Variants in MSI2 observed in about 807,000 individuals in gnomAD.
MSI2 encodes musashi RNA binding protein 2.
MSI2 carries 17 observed loss-of-function variants against 45.6 expected under a neutral mutation model. The observed-to-expected ratio is 0.37, with a 90% confidence interval of 0.26 to 0.56. The LOEUF (loss-of-function observed/expected upper bound fraction) is 0.56. MSI2 is among the 20% of genes least tolerant of loss of function. The pLI, the probability that MSI2 is intolerant of heterozygous loss-of-function variation, is 0.77. For missense variants in MSI2, 293 were observed against 444.2 expected (o/e 0.66, Z 3.06); for synonymous variants, 156 against 158.2 (o/e 0.99, Z 0.11).
chr17:57,454,189 G>A (rs1457418848), intron 6 of MSI2, among the ~76,000 whole-genome samples: 6 of 152,292 alleles, frequency 3.9e-5, no homozygotes, highest in East Asian at 1.9e-4. Context: ...GATGGAGCTC[G>A]GGGCGGAGTG....
chr17:57,276,993 G>C (rs1908906478), intron 5 of MSI2, among the ~76,000 whole-genome samples: 1 of 151,892 alleles, frequency 6.6e-6, no homozygotes, highest in African/African-American at 2.4e-5. Flanking sequence ...GTTCTCCTTG[G>C]GTTGTATCAT....
chr17:57,440,994 C>G (rs986190614), intron 6 of MSI2, among the ~76,000 whole-genome samples: 1 of 152,224 alleles, frequency 6.6e-6, no homozygotes, highest in Non-Finnish European at 1.5e-5. Context: ...CCAGCTTGCT[C>G]CTGTCAACAC....
At chr17:57,536,077 T>C (rs181155146) in intron 7 of MSI2, among the ~76,000 whole-genome samples, 4 of 121,324 alleles carry the variant, frequency 3.3e-5, no homozygotes, top group Admixed American at 9.3e-5. Flanking sequence ...TATTTGTTTA[T>C]TGGTGTCTAT....
intron 10 of MSI2, among the ~76,000 whole-genome samples, chr17:57,643,625 T>C (rs1910420429): frequency 6.6e-6 from 1 of 152,246 alleles, no homozygotes; most frequent in African/African-American, 2.4e-5. Context: ...CTGCCTAACT[T>C]CTATTTTATG....
chr17:57,500,383 G>A (rs1331593478), intron 6 of MSI2, among the ~76,000 whole-genome samples: 3 of 151,030 alleles, frequency 2.0e-5, no homozygotes, highest in Non-Finnish European at 4.4e-5. Context: ...GCCACCATAT[G>A]AAATGAGTTG....
intron 5 of MSI2, among the ~76,000 whole-genome samples, chr17:57,370,156 C>G (rs150813994): frequency 2.0e-5 from 3 of 152,136 alleles, no homozygotes; most frequent in Admixed American, 2.0e-4. Context: ...TTTGAGTAGC[C>G]GTGAAAGCTG....
At chr17:57,291,600 A>G (rs1033986079) in intron 5 of MSI2, among the ~76,000 whole-genome samples, 3 of 152,190 alleles carry the variant, frequency 2.0e-5, no homozygotes, top group African/African-American at 4.8e-5. Flanking sequence ...GCTTAGTACC[A>G]TTAGGGGATG....
chr17:57,277,278 G>A (rs1174596410), intron 5 of MSI2, among the ~76,000 whole-genome samples: 10 of 151,986 alleles, frequency 6.6e-5, no homozygotes, highest in African/African-American at 2.4e-4. Context: ...GGCTGGTCTC[G>A]AACTCCTGAC....
intron 6 of MSI2, among the ~76,000 whole-genome samples, chr17:57,494,981 AC>A (rs1198645406): frequency 2.6e-5 from 4 of 152,220 alleles, no homozygotes; most frequent in African/African-American, 4.8e-5. Context: ...CTTAAAAAAA[AC>A]AACAGTGGAA....
chr17:57,629,155 G>T (rs1909108783), intron 10 of MSI2: 1 of 152,288 alleles, frequency 6.6e-6, no homozygotes, highest in African/African-American at 2.4e-5. Flanking sequence ...TTGGCTGGGT[G>T]CGGTGGCTCA....
intron 6 of MSI2, among the ~76,000 whole-genome samples, chr17:57,491,425 C>T (rs1328224803): frequency 6.6e-6 from 1 of 152,224 alleles, no homozygotes; most frequent in Non-Finnish European, 1.5e-5. Context: ...AGCTGAGGTG[C>T]TGGAAAGCAG....
chr17:57,655,381 C>T (rs574776609), intron 11 of MSI2, among the ~76,000 whole-genome samples: 4 of 152,284 alleles, frequency 2.6e-5, no homozygotes, highest in South Asian at 2.1e-4. Context: ...AAGCCTCCCC[C>T]GACAGGTGAG....
At chr17:57,587,789 G>A (rs1904445281) in intron 7 of MSI2, among the ~76,000 whole-genome samples, 1 of 152,178 alleles carries the variant, frequency 6.6e-6, no homozygotes, top group Non-Finnish European at 1.5e-5. Flanking sequence ...TAAACTAAGT[G>A]TCAACTTTTC....
In MSI2 at chr17:57,623,738, G is replaced by A. The variant is rs190288193; in HGVS notation, c.653-3491G>A. Among the ~76,000 whole-genome samples, 184 of 152,358 alleles carry A rather than the reference G, an allele frequency of 1.2e-3. 1 individual carries two copies. Among genetic ancestry groups the A allele is most frequent in the African/African-American group, 4.4e-3 (182 of 41,580 alleles). ...GGGTCATCCCACCGTAATGTGGCTT[G>A]ACGGAGCGTCTGCACGGGTCTGCTG... is the stretch of plus-strand genomic sequence containing the variant. On this transcript the variant is annotated intron_variant, in intron 9 of 13. Transcript: ENST00000284073.
At chr17:57,635,369 T>C (rs1909758092) in intron 10 of MSI2, among the ~76,000 whole-genome samples, 1 of 152,272 alleles carries the variant, frequency 6.6e-6, no homozygotes. Flanking sequence ...AGGGTGAGTC[T>C]GGAGGATTGT....
chr17:57,276,719 T>C (rs1908877430), intron 5 of MSI2, among the ~76,000 whole-genome samples: 1 of 152,194 alleles, frequency 6.6e-6, no homozygotes. Context: ...AGGTCATCTC[T>C]CTAGCTTCCT....
chr17:57,657,425 A>G (rs1327680779), intron 11 of MSI2, among the ~76,000 whole-genome samples: 1 of 152,182 alleles, frequency 6.6e-6, no homozygotes, highest in African/African-American at 2.4e-5. Flanking sequence ...AGAAGAGGGT[A>G]GGGACAGAAG....
At chr17:57,306,143 G>A (rs1309142726) in intron 5 of MSI2, among the ~76,000 whole-genome samples, 1 of 151,888 alleles carries the variant, frequency 6.6e-6, no homozygotes, top group Non-Finnish European at 1.5e-5. Flanking sequence ...AAGCAACTGG[G>A]AGCCTCTGGG....
chr17:57,680,008 A>G lies in MSI2; in HGVS notation c.*491A>G, dbSNP rs372417918. ...ACTTTTAAAGGATGCTGAGATGGTA[A>G]TATGACTCTCCATATTTTGGTACCA... On this transcript the variant is annotated 3_prime_UTR_variant, in exon 14 of 14. Coordinates refer to ENST00000284073, the MANE Select transcript of MSI2 (RefSeq NM_138962.4). The G allele has an allele frequency of 1.8e-5, 4 of 228,306 alleles. No individual in the cohort carries two copies. Among genetic ancestry groups the G allele is most frequent in the East Asian group, 6.3e-5 (1 of 15,958 alleles). 14.1% of individuals were successfully genotyped at this position (228,306 alleles called of 1,614,324 possible). A position where few individuals can be genotyped will look rare whatever the true frequency, so the allele number is the denominator to read the frequency against.
Sources: gnomAD v4.1 joint callset for allele counts (sites outside exome capture counted in the v4.1 genomes callset) on GRCh38, gnomAD v4.1.1 for gene constraint, MANE v1.5 for transcripts, NCBI Gene and HGNC (gene_info 2026-07-23, HGNC 2026-07-21) for gene names.